Variants in MAX observed in about 807,000 individuals in gnomAD.
MAX encodes MYC associated transcriptional regulator X.
A neutral mutation model predicts 22.3 loss-of-function variants in MAX; 3 were observed. The ratio of observed to expected loss-of-function variants is 0.13; its 90% CI spans 0.06 to 0.35. The LOEUF is 0.35. Among genes scored for constraint, MAX ranks in the 10% least tolerant of loss-of-function variants. The probability of loss-of-function intolerance (pLI) is 1.00; values close to 1 mark genes in which losing one functional copy is unlikely to be tolerated. For synonymous variants in MAX, 72 were observed against 77.7 expected (o/e 0.93, Z 0.39); for missense variants, 119 against 209.4 (o/e 0.57, Z 2.66).
At chr14:65,039,053 T>C (rs2062282822) in intron 3 of MAX, among the ~76,000 whole-genome samples, 2 of 152,372 alleles carry the variant, frequency 1.3e-5, no homozygotes, top group East Asian at 3.9e-4. Context: ...TCCTCTTTCA[T>C]AGTAGAGACT....
At chr14:65,015,566 C>A in intron 3 of MAX, 5 of 1,585,484 alleles carry the variant, frequency 3.2e-6, no homozygotes, top group Non-Finnish European at 4.3e-6. Flanking sequence ...ACAGCCTTGG[C>A]AGCAGTGTCT....
rs762576126 is a variant in MAX at position 65,012,432 on chromosome 14, C to G, written c.172-6148G>C. 6.2e-7 allele frequency: 1 copy of G among 1,610,450 alleles called. No individual in the cohort carries two copies. The highest frequency in any genetic ancestry group is 8.5e-7 in the Non-Finnish European group (1 of 1,176,966). ...GAACTCTTGCTGTCAAATTATCCAC[C>G]AAATCCTCCTCCTTTTTCTATTTAA... On this transcript the variant is annotated intron_variant, in intron 3 of 3. Coordinates refer to the MAX transcript ENST00000341653. The surrounding 1 kb of genome is among the most constrained non-coding windows in gnomAD (Gnocchi z 5.0).
At chr14:65,018,664 G>A (rs1002894081) in intron 3 of MAX, among the ~76,000 whole-genome samples, 3 of 150,438 alleles carry the variant, frequency 2.0e-5, no homozygotes, top group Admixed American at 2.0e-4. Context: ...ATAAAAATTA[G>A]CCTGGCTTGG....
At chr14:65,089,231 A>G (rs1045978111) in intron 3 of MAX, among the ~76,000 whole-genome samples, 4 of 152,152 alleles carry the variant, frequency 2.6e-5, no homozygotes, top group South Asian at 4.1e-4. Flanking sequence ...CTCCACCACA[A>G]TTTACTAACT....
chr14:65,057,219 A>C (rs1303367951), intron 3 of MAX, among the ~76,000 whole-genome samples: 1 of 152,190 alleles, frequency 6.6e-6, no homozygotes, highest in African/African-American at 2.4e-5. Context: ...GTGGGGACAA[A>C]TAAACCACAT....
At chr14:65,021,861 G>A in intron 3 of MAX, 1 of 448,088 alleles carries the variant, frequency 2.2e-6, no homozygotes. Context: ...GGCCAGGCTG[G>A]TCTCAAACTC....
At chr14:65,061,095 A>C in intron 3 of MAX, 2 of 1,556,894 alleles carry the variant, frequency 1.3e-6, no homozygotes, top group Non-Finnish European at 1.7e-6. Context: ...CTAAATTCTT[A>C]GAAGTGCCTT....
intron 2 of MAX, among the ~76,000 whole-genome samples, chr14:65,100,393 T>G (rs187333072): frequency 7.4e-4 from 112 of 152,288 alleles, no homozygotes; most frequent in African/African-American, 2.6e-3. Flanking sequence ...GAGGTTGCAG[T>G]AAGCCGAGAT....
intron 2 of MAX, 71 bp downstream of exon 2, chr14:65,101,475 T>G: frequency 7.4e-7 from 1 of 1,358,166 alleles, no homozygotes; most frequent in Non-Finnish European, 1.0e-6. Context: ...TACGATCTCT[T>G]TTTCTCTCTG....
chr14:65,092,855 C>T (rs2063548816), intron 3 of MAX, among the ~76,000 whole-genome samples: 2 of 152,208 alleles, frequency 1.3e-5, no homozygotes, highest in East Asian at 1.9e-4. Flanking sequence ...TTGTTCTTAA[C>T]AGAATAGTTC....
At chr14:65,087,535 G>C (rs1251839407) in intron 3 of MAX, among the ~76,000 whole-genome samples, 2 of 152,200 alleles carry the variant, frequency 1.3e-5, no homozygotes, top group Non-Finnish European at 2.9e-5. Context: ...AGGGCTTTTA[G>C]ATTTGACTGC....
chr14:65,040,604 CTTTT>C (rs35890649), intron 3 of MAX, among the ~76,000 whole-genome samples: 3 of 117,326 alleles, frequency 2.6e-5, no homozygotes, highest in African/African-American at 6.6e-5. Context: ...CCAGGCCCAG[CTTTT>C]TTTTTTTTTT....
At chr14:65,072,368 G>A (rs2062997171), downstream of MAX, among the ~76,000 whole-genome samples, 3 of 152,126 alleles carry the variant, frequency 2.0e-5, no homozygotes, top group African/African-American at 7.2e-5. Flanking sequence ...CTAGAGCATT[G>A]GAGGCATGCT....
At chr14:65,098,811 T>C (rs970630735) in intron 2 of MAX, among the ~76,000 whole-genome samples, 1 of 152,214 alleles carries the variant, frequency 6.6e-6, no homozygotes, top group African/African-American at 2.4e-5. Context: ...AAAAAATATT[T>C]GCCAAATCAG....
intron 3 of MAX, among the ~76,000 whole-genome samples, chr14:65,085,661 A>T (rs529023708): frequency 6.6e-6 from 1 of 152,216 alleles, no homozygotes; most frequent in East Asian, 1.9e-4. Context: ...TTCAAGGGAG[A>T]GTTCTAAGGG....
At position 65,035,040 on chromosome 14, in the gene MAX, C is replaced by T. The variant is rs183532724; in HGVS notation, c.172-28756G>A. Among the ~76,000 whole-genome samples the T allele has an allele frequency of 1.4e-4, 22 of 152,340 alleles. No homozygotes were observed. The East Asian group carries it at 3.7e-3, about 25-fold the overall frequency. ...TAGAAGTTGCTTTGTTTCCCCAGCACGTATGTGGAAACTTGAACTGAGTTT... is the reference window on the plus strand; with the variant it reads ...TAGAAGTTGCTTTGTTTCCCCAGCATGTATGTGGAAACTTGAACTGAGTTT... On this transcript the variant is annotated intron_variant, in intron 3 of 3. Coordinates refer to the MAX transcript ENST00000341653.
chr14:65,077,849 G>A lies in MAX; in HGVS notation c.295+64C>T, dbSNP rs923878633. The A allele has an allele frequency of 1.9e-6, 3 of 1,614,074 alleles. No homozygotes were observed. Among genetic ancestry groups the A allele is most frequent in the Middle Eastern group, 1.6e-4 (1 of 6,084 alleles). On this transcript the variant is annotated intron_variant, in intron 4 of 4. Transcript: ENST00000358664. This position sits in a 1 kb window ranked among gnomAD's most constrained non-coding sequence, Gnocchi z 6.3. The stretch of plus-strand genomic sequence containing the variant: ...ACTGGCTCTGACTCTGCAGGCCCAG[G>A]TGCCAAAGCCTGACCTGGCTGGAGC...
intron 3 of MAX, chr14:65,015,489 T>G (rs897529055): frequency 3.7e-6 from 2 of 541,398 alleles, no homozygotes; most frequent in Non-Finnish European, 6.3e-6. Context: ...TGTCCTTTAT[T>G]CACTGATTGT....
intron 3 of MAX, chr14:65,053,284 C>T (rs778365077): frequency 1.4e-6 from 2 of 1,466,296 alleles, no homozygotes; most frequent in Non-Finnish European, 1.8e-6. Context: ...ATCAGCAGGC[C>T]CTGCAGGAGT....
Sources: gnomAD v4.1 joint callset for allele counts (sites outside exome capture counted in the v4.1 genomes callset) on GRCh38, gnomAD v4.1.1 for gene constraint, Gnocchi (gnomAD v3.1) non-coding constraint, MANE v1.5 for transcripts, NCBI Gene and HGNC (gene_info 2026-07-23, HGNC 2026-07-21) for gene names.